Variants in MALRD1 observed in about 807,000 individuals in gnomAD.
MALRD1 encodes the protein MAM and LDL-receptor class A domain-containing protein 1.
A neutral mutation model predicts 242.1 loss-of-function variants in MALRD1; 247 were observed. That is an observed-to-expected ratio of 1.02 (90% CI 0.92 to 1.13). The LOEUF (loss-of-function observed/expected upper bound fraction) is 1.13, where lower values mean the gene tolerates loss of function less well. Among genes scored for constraint, MALRD1 ranks in the 50% most tolerant of loss-of-function variants. MALRD1 has a pLI of 0.00. For missense variants in MALRD1, 2,989 were observed against 2,533.1 expected (o/e 1.18, Z -3.86); for synonymous variants, 995 against 866.6 (o/e 1.15, Z -2.60).
At position 19,121,658 on chromosome 10, in the gene MALRD1, G is replaced by A. The variant is rs192857428; in HGVS notation, c.695-1834G>A. 4.6e-5 allele frequency among the ~76,000 whole-genome samples: 7 copies of A among 152,250 alleles called. No individual in the cohort carries two copies. In the East Asian group the frequency reaches 7.7e-4, roughly 17 times the overall value. On this transcript the variant is annotated intron_variant, in intron 5 of 39. Coordinates refer to ENST00000454679, the MANE Select transcript of MALRD1 (RefSeq NM_001142308.3). The stretch of plus-strand genomic sequence containing the variant: ...TGGCAGTATGATTCCTTAAATAGCC[G>A]AGCAGAGATGAAATTTCTGTCTAAA...
chr10:19,692,570 A>G lies in MALRD1; in HGVS notation c.6314+16A>G. ...TACCAATAAGGTAAGTGATGCCTTT[A>G]GTTGCTAAATGAAATATACCGTAGC... On this transcript the variant is annotated intron_variant, in intron 38 of 39. Transcript: ENST00000454679. The G allele has an allele frequency of 6.6e-7, 1 of 1,518,130 alleles. No individual in the cohort carries two copies. Among genetic ancestry groups the G allele is most frequent in the Non-Finnish European group, 8.8e-7 (1 of 1,133,282 alleles). The allele number at this position is 1,518,130 out of a possible 1,614,324, so 94.0% of individuals were successfully genotyped here.
At chr10:19,154,097 T>A (rs1241492642) in intron 11 of MALRD1, among the ~76,000 whole-genome samples, 1 of 152,212 alleles carries the variant, frequency 6.6e-6, no homozygotes, top group African/African-American at 2.4e-5. Context: ...CATGCACTGT[T>A]TCCATTACCT....
intron 31 of MALRD1, among the ~76,000 whole-genome samples, chr10:19,526,369 C>CATATATATAT (rs776392530): frequency 4.9e-5 from 7 of 143,912 alleles, no homozygotes; most frequent in South Asian, 4.4e-4. Context: ...AAAAAAAATA[C>CATATATATAT]ATATATATAT....
chr10:19,503,907 G>A (rs1006090386), intron 31 of MALRD1, among the ~76,000 whole-genome samples: 2 of 152,072 alleles, frequency 1.3e-5, no homozygotes, highest in Non-Finnish European at 2.9e-5. Context: ...AACAGAATAT[G>A]AATTAACTAA....
At chr10:19,543,433 C>CTTTTTTTTTTTTTTTTTTTTTTTTTTTTT (rs71388849) in intron 32 of MALRD1, among the ~76,000 whole-genome samples, 8 of 106,436 alleles carry the variant, frequency 7.5e-5, no homozygotes, top group African/African-American at 2.7e-4. Context: ...CAGCTGATTT[C>CTTTTTTTTTTTTTTTTTTTTTTTTTTTTT]TTTTTTTTTT....
chr10:19,639,890 A>G (rs546268913), intron 36 of MALRD1, among the ~76,000 whole-genome samples: 6 of 152,244 alleles, frequency 3.9e-5, no homozygotes, highest in African/African-American at 1.4e-4. Flanking sequence ...TATATTTTAC[A>G]TATATTAGAA....
At chr10:19,330,979 C>A (rs894692812) in intron 23 of MALRD1, among the ~76,000 whole-genome samples, 1 of 152,164 alleles carries the variant, frequency 6.6e-6, no homozygotes, top group African/African-American at 2.4e-5. Flanking sequence ...TATCTTTTCA[C>A]TCTTGGTACT....
chr10:19,516,804 A>G (rs1250949771), intron 31 of MALRD1, among the ~76,000 whole-genome samples: 1 of 148,322 alleles, frequency 6.7e-6, no homozygotes, highest in Non-Finnish European at 1.5e-5. Context: ...CTCCTTCATC[A>G]TTATCATTTT....
chr10:19,136,678 A>C lies in MALRD1; in HGVS notation c.1308A>C (p.Ala436=). ...CCCAATCCAGAAAGCTTTGCTCTGC[A>C]GACGAATTCCCTTGCACTAGTGGCC... ...GQTQSRKLCS[A]DEFPCTSGQC... The change falls in exon 10 of 40, where the codon GCA becomes GCC. Residue 436 remains alanine (A), a synonymous_variant. Coordinates refer to ENST00000454679, the MANE Select transcript of MALRD1 (RefSeq NM_001142308.3). 1 of 1,231,726 alleles carries C rather than the reference A, an allele frequency of 8.1e-7. No homozygotes were observed. The highest frequency in any genetic ancestry group is 1.0e-6 in the Non-Finnish European group (1 of 987,998). 76.3% of individuals were successfully genotyped at this position (1,231,726 alleles called of 1,614,324 possible).
chr10:19,730,599 TG>T, intron 38 of MALRD1, 106 bp from the exon 39 acceptor site: 1 of 1,108,910 alleles, frequency 9.0e-7, no homozygotes, highest in Non-Finnish European at 1.3e-6. Context: ...ATAAGTGTGC[TG>T]GCTAGACAAC....
intron 32 of MALRD1, among the ~76,000 whole-genome samples, chr10:19,558,981 C>G (rs1030020771): frequency 2.0e-5 from 3 of 151,776 alleles, no homozygotes; most frequent in African/African-American, 7.3e-5. Flanking sequence ...GTTAGGGATT[C>G]GAGACCAGCC....
chr10:19,631,611 C>T (rs1839908836), intron 36 of MALRD1, among the ~76,000 whole-genome samples: 1 of 152,138 alleles, frequency 6.6e-6, no homozygotes, highest in African/African-American at 2.4e-5. Context: ...CTCTCATCAA[C>T]AGTGTATAAG....
At position 19,627,006 on chromosome 10, in the gene MALRD1, A is replaced by G. The variant is rs150353379; in HGVS notation, c.6137+11083A>G. On this transcript the variant is annotated intron_variant, in intron 36 of 39. Transcript: ENST00000454679. ...TATGAAGCTGGAACAGGAATAGACA[A>G]ATAGACACTTGGAAAAGAATAAAAA... Among the ~76,000 whole-genome samples the G allele has an allele frequency of 3.8e-3, 577 of 152,252 alleles. 2 individuals carry two copies. The highest frequency in any genetic ancestry group is 6.8e-3 in the Middle Eastern group (2 of 294).
intron 36 of MALRD1, among the ~76,000 whole-genome samples, chr10:19,653,217 GAC>G (rs1000548483): frequency 1.9e-4 from 29 of 150,904 alleles, no homozygotes; most frequent in African/African-American, 6.6e-4. Flanking sequence ...TTTTTTTTGA[GAC>G]AGAGTTTCAC....
intron 35 of MALRD1, among the ~76,000 whole-genome samples, chr10:19,610,489 G>C (rs1838845081): frequency 6.6e-6 from 1 of 151,958 alleles, no homozygotes; most frequent in Non-Finnish European, 1.5e-5. Context: ...AAGATAAAGA[G>C]AATAATCTCT....
intron 38 of MALRD1, among the ~76,000 whole-genome samples, chr10:19,712,776 G>A (rs929706421): frequency 4.6e-5 from 7 of 152,206 alleles, no homozygotes; most frequent in Admixed American, 2.0e-4. Context: ...GTGGAAACTC[G>A]GAGATATCAC....
intron 23 of MALRD1, among the ~76,000 whole-genome samples, chr10:19,330,688 T>C (rs891786469): frequency 6.6e-6 from 1 of 152,214 alleles, no homozygotes; most frequent in African/African-American, 2.4e-5. Flanking sequence ...AAGATGGAAT[T>C]TGTAAAAGCA....
intron 29 of MALRD1, among the ~76,000 whole-genome samples, chr10:19,466,726 G>A (rs1836232436): frequency 6.6e-6 from 1 of 152,096 alleles, no homozygotes; most frequent in Non-Finnish European, 1.5e-5. Context: ...AGAATTTGGA[G>A]TATTTGCATT....
intron 21 of MALRD1, among the ~76,000 whole-genome samples, chr10:19,311,502 A>C (rs932931323): frequency 6.6e-6 from 1 of 151,464 alleles, no homozygotes; most frequent in African/African-American, 2.4e-5. Context: ...TAGTGACTTA[A>C]TGAGAAAATA....
Sources: allele counts gnomAD v4.1 joint callset (sites outside exome capture counted in the v4.1 genomes callset), GRCh38; gene constraint gnomAD v4.1.1; transcripts MANE v1.5; gene names NCBI Gene and HGNC (gene_info 2026-07-23, HGNC 2026-07-21).